The following PCSK6 variants were observed in gnomAD, a reference collection of about 807,000 sequenced individuals.
The protein encoded by PCSK6 is paired basic amino acid cleaving enzyme 4.
Under a neutral mutation model 123.3 loss-of-function variants are expected in PCSK6, and 85 were observed. The ratio of observed to expected loss-of-function variants is 0.69; its 90% CI spans 0.58 to 0.83. PCSK6 has a LOEUF of 0.83. PCSK6 is among the 40% of genes least tolerant of loss of function. The probability of loss-of-function intolerance (pLI) is 0.00; values close to 1 mark genes in which losing one functional copy is unlikely to be tolerated. For synonymous variants in PCSK6, 508 were observed against 516.0 expected (o/e 0.98, Z 0.21); for missense variants, 1,191 against 1,282.3 (o/e 0.93, Z 1.09).
intron 7 of PCSK6, among the ~76,000 whole-genome samples, chr15:101,395,538 G>A (rs750204502): frequency 6.6e-6 from 1 of 152,216 alleles, no homozygotes; most frequent in Non-Finnish European, 1.5e-5. Context: ...ATGGAAATGA[G>A]GCGAGGAAAC....
chr15:101,389,619 T>C lies in PCSK6; in HGVS notation c.1210-55A>G, dbSNP rs2042167606. 2.1e-6 allele frequency: 3 copies of C among 1,446,414 alleles called. No homozygotes were observed. In the South Asian group the frequency reaches 3.7e-5, roughly 18 times the overall value. The allele number at this position is 1,446,414 out of a possible 1,614,324, so 89.6% of individuals were successfully genotyped here. A position where few individuals can be genotyped will look rare whatever the true frequency, so the allele number is the denominator to read the frequency against. On this transcript the variant is annotated intron_variant, in intron 8 of 21. Coordinates refer to ENST00000611716, the MANE Select transcript of PCSK6 (RefSeq NM_002570.5). ...TGATGGCAGACAGGCTAACTCACTC[T>C]GTGGAGAAGGCTGGGCTACTTCAGG...
rs117121228 is a variant in PCSK6, at chr15:101,363,171, T to C, written c.1858+3025A>G. On this transcript the variant is annotated intron_variant, in intron 13 of 21. Coordinates refer to ENST00000611716, the MANE Select transcript of PCSK6 (RefSeq NM_002570.5). ...TAGGAAGGGGAAAGAGAAGAATGCG[T>C]GAGATGCATGAGAAAGGCTGCCTGC... is the stretch of plus-strand genomic sequence containing the variant. Among the ~76,000 whole-genome samples, 601 of 152,166 alleles carry C rather than the reference T, an allele frequency of 3.9e-3. 5 individuals carry two copies. The highest frequency in any genetic ancestry group is 0.011 in the Admixed American group (175 of 15,284).
intron 11 of PCSK6, among the ~76,000 whole-genome samples, chr15:101,381,214 A>C (rs8035056): frequency 0.7 from 106,276 of 151,832 alleles, 37,610 homozygotes; most frequent in Non-Finnish European, 0.76. Flanking sequence ...ATACAAAAAA[A>C]CTAGCTGGGC....
At chr15:101,313,541 T>A (rs372218498) in intron 19 of PCSK6, 36 bp from the exon 20 acceptor site, 3 of 1,566,090 alleles carry the variant, frequency 1.9e-6, no homozygotes, top group Non-Finnish European at 2.6e-6. Context: ...GTATCAGGGA[T>A]GGCTGGCAGA....
At chr15:101,409,183 C>A (rs1486969471) in intron 6 of PCSK6, among the ~76,000 whole-genome samples, 1 of 152,316 alleles carries the variant, frequency 6.6e-6, no homozygotes, top group East Asian at 1.9e-4. Flanking sequence ...GGAGGCTGAG[C>A]GCGGGGGCTC....
intron 8 of PCSK6, among the ~76,000 whole-genome samples, chr15:101,391,811 G>A (rs1021176951): frequency 1.5e-5 from 2 of 135,770 alleles, no homozygotes; most frequent in Non-Finnish European, 3.2e-5. Flanking sequence ...CACCCCTCCT[G>A]TCAGAGCAGA....
At chr15:101,379,506 G>A (rs770130270) in intron 11 of PCSK6, among the ~76,000 whole-genome samples, 16 of 152,178 alleles carry the variant, frequency 1.1e-4, no homozygotes, top group Admixed American at 5.9e-4. Context: ...GGATGCACAC[G>A]AGAGGGGTGT....
chr15:101,472,408 A>AG (rs1374784038), intron 1 of PCSK6, among the ~76,000 whole-genome samples: 1 of 152,256 alleles, frequency 6.6e-6, no homozygotes, highest in Non-Finnish European at 1.5e-5. Flanking sequence ...GCCAGGCATC[A>AG]GTTTCACACC....
At chr15:101,458,662 C>T (rs906615841) in intron 1 of PCSK6, among the ~76,000 whole-genome samples, 1 of 152,190 alleles carries the variant, frequency 6.6e-6, no homozygotes, top group African/African-American at 2.4e-5. Context: ...GCTCCACATA[C>T]CCAGCAGATT....
chr15:101,348,415 G>A (rs1012392717), intron 13 of PCSK6, among the ~76,000 whole-genome samples: 9 of 152,244 alleles, frequency 5.9e-5, no homozygotes, highest in Non-Finnish European at 1.3e-4. Context: ...GAGGTATGAA[G>A]TGTGAACTAT....
intron 1 of PCSK6, among the ~76,000 whole-genome samples, chr15:101,460,378 GC>G (rs1443673477): frequency 6.6e-6 from 1 of 152,064 alleles, no homozygotes; most frequent in Admixed American, 6.5e-5. Context: ...CAGGCCCCCT[GC>G]CTACCTCCAT....
chr15:101,385,585 T>C (rs1373724123), intron 9 of PCSK6, among the ~76,000 whole-genome samples: 2 of 152,238 alleles, frequency 1.3e-5, no homozygotes, highest in Non-Finnish European at 2.9e-5. Flanking sequence ...AAAAGGTGCA[T>C]CTTACAACTT....
intron 18 of PCSK6, among the ~76,000 whole-genome samples, chr15:101,321,675 C>A (rs2040124922): frequency 6.6e-6 from 1 of 152,348 alleles, no homozygotes; most frequent in African/African-American, 2.4e-5. Flanking sequence ...GTGTTGCAGC[C>A]CTCCACCGCC....
At chr15:101,407,509 C>T (rs2042813750) in intron 6 of PCSK6, among the ~76,000 whole-genome samples, 1 of 152,172 alleles carries the variant, frequency 6.6e-6, no homozygotes, top group African/African-American at 2.4e-5. Flanking sequence ...AGAGTCTACA[C>T]CCCAGCCACC....
intron 12 of PCSK6, among the ~76,000 whole-genome samples, chr15:101,369,283 A>C (rs931238083): frequency 6.6e-6 from 1 of 152,204 alleles, no homozygotes; most frequent in Non-Finnish European, 1.5e-5. Context: ...TCTCATACAA[A>C]GTGGTGGGGA....
chr15:101,367,007 G>A (rs1433104744), intron 12 of PCSK6, among the ~76,000 whole-genome samples: 1 of 152,190 alleles, frequency 6.6e-6, no homozygotes, highest in Non-Finnish European at 1.5e-5. Context: ...TGGCAGGGTT[G>A]GTTGCTTTTC....
At chr15:101,375,961 G>T (rs1032408369) in intron 11 of PCSK6, among the ~76,000 whole-genome samples, 2 of 152,204 alleles carry the variant, frequency 1.3e-5, no homozygotes, top group Admixed American at 1.3e-4. Flanking sequence ...TTGAACCTGG[G>T]AGGTGGAGGT....
intron 1 of PCSK6, among the ~76,000 whole-genome samples, chr15:101,460,615 C>T (rs1227087460): frequency 6.6e-6 from 1 of 152,196 alleles, no homozygotes. Flanking sequence ...TAGAGACACA[C>T]AACGTTTTCA....
chr15:101,388,159 C>T (rs999006632), intron 9 of PCSK6, among the ~76,000 whole-genome samples: 1 of 152,174 alleles, frequency 6.6e-6, no homozygotes, highest in African/African-American at 2.4e-5. Context: ...TGAGTTTCCA[C>T]ACAAGCAACT....
Sources: gnomAD v4.1 joint callset for allele counts (sites outside exome capture counted in the v4.1 genomes callset) on GRCh38, gnomAD v4.1.1 for gene constraint, MANE v1.5 for transcripts, NCBI Gene and HGNC (gene_info 2026-07-23, HGNC 2026-07-21) for gene names.